Variants in PKD1L1 observed in about 807,000 individuals in gnomAD.
PKD1L1 encodes polycystin-1-like protein 1.
Under a neutral mutation model 323.4 loss-of-function variants are expected in PKD1L1, and 236 were observed. The observed-to-expected ratio is 0.73, with a 90% CI of 0.66 to 0.81. The LOEUF (loss-of-function observed/expected upper bound fraction) is 0.81. Ranked by LOEUF, PKD1L1 falls within the 40% of genes least tolerant of loss-of-function variation. The pLI, the probability that PKD1L1 is intolerant of heterozygous loss-of-function variation, is 0.00. For missense variants in PKD1L1, 3,320 were observed against 3,508.0 expected (o/e 0.95, Z 1.35); for synonymous variants, 1,344 against 1,335.0 (o/e 1.01, Z -0.15).
rs1563000164 is a variant in PKD1L1 at position 47,940,266 on chromosome 7, G to C, written c.212C>G (p.Pro71Arg). 1 of 1,613,914 alleles carries C rather than the reference G, an allele frequency of 6.2e-7. No homozygotes were observed. The highest frequency in any genetic ancestry group is 2.2e-5 in the East Asian group (1 of 44,872). The change falls in exon 3 of 57, where the codon CCT (proline) becomes CGT (arginine). Residue 71 changes from proline to arginine, a missense_variant. Physicochemically the swap from Pro to Arg is moderately radical, Grantham distance 103. Transcript: ENST00000289672. Reference sequence around the variant, plus strand: ...TGCCTTTCCATTCAGAGCACACCAAGGACAGCCACACTTCCCATCACTCAT... The same window carrying C: ...TGCCTTTCCATTCAGAGCACACCAACGACAGCCACACTTCCCATCACTCAT... ...LLMSDGKCGC[P>R]WCALNGKAED...
At chr7:47,824,590 C>T (rs150641226) in intron 45 of PKD1L1, among the ~76,000 whole-genome samples, 1 of 152,284 alleles carries the variant, frequency 6.6e-6, no homozygotes, top group East Asian at 1.9e-4. Context: ...CCTTCTCTCC[C>T]CATAAGTAAC....
chr7:47,850,861 A>T (rs566725116), intron 31 of PKD1L1, among the ~76,000 whole-genome samples: 1 of 152,230 alleles, frequency 6.6e-6, no homozygotes, highest in South Asian at 2.1e-4. Flanking sequence ...TAGGTTTGTG[A>T]TTGTTAGGGG....
At chr7:47,937,065 G>A in intron 3 of PKD1L1, 107 bp from the exon 4 acceptor site, 1 of 831,032 alleles carries the variant, frequency 1.2e-6, no homozygotes, top group Non-Finnish European at 1.9e-6. Flanking sequence ...GACCCCTGCT[G>A]TGCGCCCAGC....
chr7:47,849,641 C>T (rs1257000655), intron 31 of PKD1L1, among the ~76,000 whole-genome samples: 2 of 152,148 alleles, frequency 1.3e-5, no homozygotes, highest in Non-Finnish European at 2.9e-5. Flanking sequence ...GAGATACCAT[C>T]TTACTCCTGC....
At chr7:47,807,396 G>C (rs1165118029) in intron 52 of PKD1L1, among the ~76,000 whole-genome samples, 1 of 152,066 alleles carries the variant, frequency 6.6e-6, no homozygotes, top group African/African-American at 2.4e-5. Context: ...AGGTTGTGGG[G>C]CAGATGAATG....
chr7:47,858,650 G>C (rs1239569730), intron 27 of PKD1L1, 23 bp downstream of exon 27: 2 of 1,586,216 alleles, frequency 1.3e-6, no homozygotes, highest in Admixed American at 1.7e-5. Context: ...TATTTTTATG[G>C]ATGGAGAAAA....
intron 23 of PKD1L1, among the ~76,000 whole-genome samples, chr7:47,874,408 C>T (rs868633462): frequency 1.2e-4 from 19 of 152,180 alleles, no homozygotes; most frequent in Non-Finnish European, 2.6e-4. Flanking sequence ...CTAAGGGCCA[C>T]AGGCACCGTC....
chr7:47,865,810 T>C (rs1246454099), intron 25 of PKD1L1, among the ~76,000 whole-genome samples: 1 of 151,200 alleles, frequency 6.6e-6, no homozygotes, highest in Non-Finnish European at 1.5e-5. Flanking sequence ...TTAGCCAGGA[T>C]GGTCACGATC....
intron 6 of PKD1L1, 85 bp from the exon 7 acceptor site, chr7:47,929,611 T>G: frequency 7.8e-7 from 1 of 1,281,020 alleles, no homozygotes; most frequent in African/African-American, 1.5e-5. Context: ...CTGGCCTGGG[T>G]CCAGCCAGCT....
intron 45 of PKD1L1, among the ~76,000 whole-genome samples, chr7:47,825,992 T>A (rs1313392769): frequency 1.3e-5 from 2 of 152,044 alleles, no homozygotes; most frequent in Non-Finnish European, 2.9e-5. Context: ...GAGGGCTACG[T>A]CCTGGCAGAG....
chr7:47,874,064 T>C (rs1786348113), intron 23 of PKD1L1, 54 bp from the exon 24 acceptor site: 1 of 1,131,854 alleles, frequency 8.8e-7, no homozygotes, highest in Non-Finnish European at 1.3e-6. Context: ...GTTACAGAGA[T>C]GCTTCTTCAC....
intron 10 of PKD1L1, 139 bp downstream of exon 10, chr7:47,905,704 A>G: frequency 8.2e-7 from 1 of 1,224,784 alleles, no homozygotes; most frequent in Non-Finnish European, 1.1e-6. Flanking sequence ...TGGCAGATGA[A>G]CAAAGAACCT....
intron 4 of PKD1L1, among the ~76,000 whole-genome samples, chr7:47,933,273 G>C (rs1457118447): frequency 1.3e-5 from 2 of 152,124 alleles, no homozygotes. Flanking sequence ...ACAATGTATA[G>C]CCAATCACTG....
intron 7 of PKD1L1, among the ~76,000 whole-genome samples, chr7:47,918,008 G>T (rs1787464295): frequency 6.6e-6 from 1 of 152,110 alleles, no homozygotes; most frequent in Non-Finnish European, 1.5e-5. Flanking sequence ...GAATGTAAAT[G>T]ACCTAAATGC....
At chr7:47,829,952 A>T in intron 43 of PKD1L1, 88 bp downstream of exon 43, 1 of 1,289,536 alleles carries the variant, frequency 7.8e-7, no homozygotes, top group Non-Finnish European at 1.1e-6. Flanking sequence ...GAAAAGTCAT[A>T]CACAACCAAA....
At position 47,818,002 on chromosome 7, in the gene PKD1L1, A is replaced by G. The variant is rs1438472255; in HGVS notation, c.6966-2545T>C. ...GTATTTGATCTTCATTGGTTTATAC[A>G]TCTTTAGAACTTAATCTTTGCAGGT... On this transcript the variant is annotated intron_variant, in intron 46 of 56. Coordinates refer to ENST00000289672, the MANE Select transcript of PKD1L1 (RefSeq NM_138295.5). The G allele has an allele frequency of 4.5e-6, 6 of 1,340,264 alleles. No homozygotes were observed. In the African/African-American group the frequency reaches 9.0e-5, roughly 20 times the overall value. 83.0% of individuals were successfully genotyped at this position (1,340,264 alleles called of 1,614,324 possible). A position where few individuals can be genotyped will look rare whatever the true frequency, so the allele number is the denominator to read the frequency against.
chr7:47,865,260 C>A lies in PKD1L1; in HGVS notation c.4105G>T (p.Gly1369Cys), dbSNP rs773422985. Residue 1369 changes from glycine (G) to cysteine (C), a missense_variant, in exon 26 of 57, where the codon GGT becomes TGT. Coordinates refer to ENST00000289672, the MANE Select transcript of PKD1L1 (RefSeq NM_138295.5). ...AGGTCCCTCAACATAAGAACAGAAC[C>A]AATCATTTCTTCCTGACCAGAAGAA... ...LAFVDQEEMI[G>C]SVLMLRDLVS... The A allele has an allele frequency of 6.8e-6, 11 of 1,612,828 alleles. No individual in the cohort carries two copies. The African/African-American group carries it at 1.2e-4, about 18-fold the overall frequency.
intron 24 of PKD1L1, among the ~76,000 whole-genome samples, chr7:47,867,599 T>C (rs1189026237): frequency 2.0e-5 from 3 of 152,082 alleles, no homozygotes; most frequent in Admixed American, 2.0e-4. Context: ...AAGCAGGCAA[T>C]AGAAACTGCC....
chr7:47,950,834 C>A (rs972783720), upstream of PKD1L1, among the ~76,000 whole-genome samples: 40 of 152,220 alleles, frequency 2.6e-4, no homozygotes, highest in African/African-American at 8.9e-4. Flanking sequence ...CAGCGCTGGG[C>A]TGGGCAGCCT....
Sources: allele counts gnomAD v4.1 joint callset (sites outside exome capture counted in the v4.1 genomes callset), GRCh38; gene constraint gnomAD v4.1.1; transcripts MANE v1.5; gene names NCBI Gene and HGNC (gene_info 2026-07-23, HGNC 2026-07-21).